The following REPS2 variants were observed in gnomAD, a reference collection of about 807,000 sequenced individuals.
REPS2 encodes the protein ralBP1-associated Eps domain-containing protein 2.
A neutral mutation model predicts 53.6 loss-of-function variants in REPS2; 23 were observed. The ratio of observed to expected loss-of-function variants is 0.43; its 90% CI spans 0.31 to 0.61. The LOEUF is 0.61. Among genes scored for constraint, REPS2 ranks in the 20% least tolerant of loss-of-function variants. The probability of loss-of-function intolerance (pLI) is 0.11; values close to 1 mark genes in which losing one functional copy is unlikely to be tolerated. For missense variants in REPS2, 446 were observed against 534.9 expected, an observed-to-expected ratio of 0.83 and a Z score of 1.64; for synonymous variants, 238 against 218.6, an observed-to-expected ratio of 1.09 and a Z score of -0.78.
intron 1 of REPS2, among the ~76,000 whole-genome samples, chrX:16,970,592 A>G (rs1355588459): frequency 8.9e-6 from 1 of 112,400 alleles, no homozygotes; most frequent in Admixed American, 9.4e-5. Context: ...TGGTTTTAGT[A>G]TATTCACAGA....
At chrX:16,972,490 AC>A (rs1389751471) in intron 1 of REPS2, among the ~76,000 whole-genome samples, 1 of 111,829 alleles carries the variant, frequency 8.9e-6, no homozygotes, top group Non-Finnish European at 1.9e-5. Context: ...CACCTAAAAT[AC>A]TGGTGTTTTA....
chrX:17,172,872 T>C, the REPS2 span, among the ~76,000 whole-genome samples: 7 of 110,844 alleles, frequency 6.3e-5, no homozygotes, highest in African/African-American at 2.3e-4. Context: ...TTTTCTAATA[T>C]TAATAATAAA....
rs2062363499 is a variant in REPS2, at chrX:17,075,272, C to A, written c.1379+1113C>A. The stretch of plus-strand genomic sequence containing the variant: ...CATAGTAGGAATTGCCTTTGAATTG[C>A]AGAAATCTGTTATGTGTACTATGTT... On this transcript the variant is annotated intron_variant, in intron 12 of 17. Transcript: ENST00000357277. Among the ~76,000 whole-genome samples the A allele has an allele frequency of 1.1e-4, 12 of 111,869 alleles. No homozygotes were observed. In the South Asian group the frequency reaches 4.5e-3, roughly 42 times the overall value.
intron 1 of REPS2, among the ~76,000 whole-genome samples, chrX:16,992,814 G>A (rs763827630): frequency 7.6e-4 from 86 of 112,536 alleles, no homozygotes; most frequent in African/African-American, 2.7e-3. Flanking sequence ...AACAAATTCA[G>A]AGCAGAGGCT....
At chrX:17,061,225 T>G (rs1205332169) in intron 8 of REPS2, among the ~76,000 whole-genome samples, 1 of 112,216 alleles carries the variant, frequency 8.9e-6, no homozygotes, top group Non-Finnish European at 1.9e-5. Flanking sequence ...CTCAGACCAG[T>G]ACTTCCTTAC....
At chrX:17,105,555 T>C (rs2062863512) in intron 14 of REPS2, among the ~76,000 whole-genome samples, 1 of 111,993 alleles carries the variant, frequency 8.9e-6, no homozygotes, top group Admixed American at 9.5e-5. Context: ...AAGATCTGAC[T>C]GGGGGATCTG....
At chrX:17,118,606 G>T (rs1016513067) in intron 14 of REPS2, among the ~76,000 whole-genome samples, 1 of 112,200 alleles carries the variant, frequency 8.9e-6, no homozygotes, top group Non-Finnish European at 1.9e-5. Flanking sequence ...CTGGGGAAGT[G>T]CTAGAAATTT....
chrX:17,095,674 A>G (rs1434236011), intron 13 of REPS2, among the ~76,000 whole-genome samples: 2 of 111,226 alleles, frequency 1.8e-5, no homozygotes, highest in African/African-American at 6.5e-5. Flanking sequence ...CTGTAAGAGT[A>G]GGGCCCCTGA....
intron 2 of REPS2, among the ~76,000 whole-genome samples, chrX:17,012,325 G>A (rs375439896): frequency 3.2e-4 from 35 of 110,389 alleles, no homozygotes; most frequent in African/African-American, 1.1e-3. Context: ...GTTGCAGTGA[G>A]CCAAGATCAC....
chrX:17,055,995 AT>A (rs1368016789), intron 8 of REPS2, among the ~76,000 whole-genome samples: 7 of 110,907 alleles, frequency 6.3e-5, no homozygotes, highest in South Asian at 7.6e-4. Flanking sequence ...TAATAAAAAA[AT>A]AAAAAATAAA....
chrX:17,114,023 C>A (rs1177483152), intron 14 of REPS2, among the ~76,000 whole-genome samples: 2 of 111,868 alleles, frequency 1.8e-5, no homozygotes, highest in Non-Finnish European at 3.8e-5. Context: ...GATTACATGA[C>A]AAAACAGTAG....
the REPS2 span, among the ~76,000 whole-genome samples, chrX:17,191,508 C>T: frequency 8.9e-6 from 1 of 112,206 alleles, no homozygotes; most frequent in African/African-American, 3.2e-5. Context: ...ATGTTAAAAA[C>T]ACTTTGGAAA....
the REPS2 span, among the ~76,000 whole-genome samples, chrX:17,168,659 G>T: frequency 2.7e-5 from 3 of 111,881 alleles, no homozygotes; most frequent in African/African-American, 9.8e-5. Context: ...CTGTGCTCAG[G>T]TTCTTTTCTC....
intron 5 of REPS2, among the ~76,000 whole-genome samples, chrX:17,034,191 G>A (rs2061740060): frequency 9.0e-6 from 1 of 111,588 alleles, no homozygotes; most frequent in African/African-American, 3.3e-5. Context: ...GGCAACCAGG[G>A]TTGCCTGTTT....
At position 17,030,348 on chromosome X, in the gene REPS2, C is replaced by T. The variant is rs113266474; in HGVS notation, c.771+725C>T. On this transcript the variant is annotated intron_variant, in intron 5 of 17. Coordinates refer to ENST00000357277, the MANE Select transcript of REPS2 (RefSeq NM_004726.3). ...GTGTGTGTGTGTGTGTGTGTGCACG[C>T]GCGGGTGTGCAGGTTTACTATTTGA... Among the ~76,000 whole-genome samples the T allele has an allele frequency of 5.0e-3, 548 of 108,710 alleles. 3 individuals carry two copies. Among genetic ancestry groups the T allele is most frequent in the African/African-American group, 0.018 (523 of 29,506 alleles). 94.4% of individuals were successfully genotyped at this position (108,710 alleles called of 115,157 possible). A position where few individuals can be genotyped will look rare whatever the true frequency, so the allele number is the denominator to read the frequency against.
At chrX:17,049,570 T>C (rs185889076) in intron 6 of REPS2, among the ~76,000 whole-genome samples, 110 of 112,039 alleles carry the variant, frequency 9.8e-4, no homozygotes, top group African/African-American at 3.4e-3. Context: ...AAGAAAATAT[T>C]TTTGTACAGC....
At chrX:17,131,065 G>A (rs2063285406) in intron 14 of REPS2, among the ~76,000 whole-genome samples, 1 of 111,915 alleles carries the variant, frequency 8.9e-6, no homozygotes, top group Admixed American at 9.5e-5. Flanking sequence ...AATATTGAGT[G>A]CTTGCATAGT....
In REPS2 at chrX:17,006,314, C is replaced by T. The variant is rs1360267866; in HGVS notation, c.367C>T (p.Leu123Phe). ...LKLIAAAQSG[L>F]PVRIESIKCE... Reference sequence around the variant, plus strand: ...ATTAATTGCTGCAGCACAATCTGGCCTCCCGGTACGGATAGAGAGTATTAA... The same window carrying T: ...ATTAATTGCTGCAGCACAATCTGGCTTCCCGGTACGGATAGAGAGTATTAA... The change falls in exon 2 of 18, where the codon CTC (leucine) becomes TTC (phenylalanine). Residue 123 changes from leucine (L) to phenylalanine (F), a missense_variant. By Grantham distance (22) the Leu-to-Phe change is conservative. Transcript: ENST00000357277. The T allele has an allele frequency of 8.3e-7, 1 of 1,210,321 alleles. No homozygotes were observed. Among genetic ancestry groups the T allele is most frequent in the East Asian group, 3.0e-5 (1 of 33,834 alleles).
chrX:16,962,421 G>T (rs781357575), intron 1 of REPS2, among the ~76,000 whole-genome samples: 1 of 109,617 alleles, frequency 9.1e-6, no homozygotes, highest in East Asian at 2.9e-4. Context: ...AGACACAGAA[G>T]GAAAAATACT....
Sources: gnomAD v4.1 joint callset for allele counts (sites outside exome capture counted in the v4.1 genomes callset) on GRCh38, gnomAD v4.1.1 for gene constraint, MANE v1.5 for transcripts, NCBI Gene and HGNC (gene_info 2026-07-23, HGNC 2026-07-21) for gene names.